LHFPL2: variants seen among roughly 807,000 people sequenced by gnomAD.
The protein encoded by LHFPL2 is LHFPL tetraspan subfamily member 2 protein.
LHFPL2 carries 7 observed loss-of-function variants against 17.5 expected under a neutral mutation model. That is an observed-to-expected ratio of 0.40 (90% confidence interval 0.23 to 0.75). LHFPL2 has a LOEUF of 0.75. LHFPL2 is among the 30% of genes least tolerant of loss of function. The pLI, the probability that LHFPL2 is intolerant of heterozygous loss-of-function variation, is 0.37. For synonymous variants in LHFPL2, 134 were observed against 116.2 expected, an observed-to-expected ratio of 1.15 and a Z score of -0.99; for missense variants, 241 against 294.8, an observed-to-expected ratio of 0.82 and a Z score of 1.34.
chr5:78,604,272 G>A (rs1411084249), intron 2 of LHFPL2, among the ~76,000 whole-genome samples: 1 of 152,098 alleles, frequency 6.6e-6, no homozygotes, highest in Non-Finnish European at 1.5e-5. Flanking sequence ...GAGGTCAGAA[G>A]TTCGACACCA....
chr5:78,633,530 C>T (rs978777759), intron 1 of LHFPL2, among the ~76,000 whole-genome samples: 9 of 152,220 alleles, frequency 5.9e-5, no homozygotes, highest in South Asian at 4.1e-4. Flanking sequence ...CTCTGGGTGA[C>T]GGTGATGCTT....
chr5:78,579,556 T>C (rs961901383), intron 2 of LHFPL2, among the ~76,000 whole-genome samples: 4 of 151,856 alleles, frequency 2.6e-5, no homozygotes, highest in Admixed American at 6.6e-5. Context: ...TGTGTTCTCA[T>C]TGTTCAATTC....
chr5:78,568,928 T>A (rs1756926557), intron 2 of LHFPL2, among the ~76,000 whole-genome samples: 2 of 152,064 alleles, frequency 1.3e-5, no homozygotes, highest in Admixed American at 1.3e-4. Context: ...ATCTTTACTA[T>A]CCCCATTTTA....
rs1756958663 is a variant in LHFPL2 at position 78,570,184 on chromosome 5, T to C, written c.-244-5313A>G. ...ATAGGGCATGACATAGAGTAGACAATTCATAAATGTTTACTGAATAAACAA... is the reference window on the plus strand; with the variant it reads ...ATAGGGCATGACATAGAGTAGACAACTCATAAATGTTTACTGAATAAACAA... On this transcript the variant is annotated intron_variant, in intron 2 of 4. Coordinates refer to ENST00000380345, the MANE Select transcript of LHFPL2 (RefSeq NM_005779.3). 2.0e-5 allele frequency among the ~76,000 whole-genome samples: 3 copies of C among 152,188 alleles called. No individual in the cohort carries two copies. In the South Asian group the frequency reaches 6.2e-4, roughly 32 times the overall value.
At chr5:78,619,465 C>T (rs1013217603) in intron 2 of LHFPL2, among the ~76,000 whole-genome samples, 3 of 151,010 alleles carry the variant, frequency 2.0e-5, no homozygotes, top group Admixed American at 6.6e-5. Context: ...TTTACACTCG[C>T]TATGCCTCAG....
At position 78,486,907 on chromosome 5, in the gene LHFPL2, G is replaced by A. The variant is rs1230450159; in HGVS notation, c.*1990C>T. 2.0e-5 allele frequency: 3 copies of A among 152,176 alleles called. No homozygotes were observed. The highest frequency in any genetic ancestry group is 7.2e-5 in the African/African-American group (3 of 41,450). The allele number at this position is 152,176 out of a possible 1,614,324, so 9.4% of individuals were successfully genotyped here. A position where few individuals can be genotyped will look rare whatever the true frequency, so the allele number is the denominator to read the frequency against. On this transcript the variant is annotated 3_prime_UTR_variant, in exon 5 of 5. Coordinates refer to ENST00000380345, the MANE Select transcript of LHFPL2 (RefSeq NM_005779.3). ...GAAAGAAAAGTGAGTCTTCTGATAAGTTTATGGAAAAATTTTGTGTTTTTC... is the reference window on the plus strand; with the variant it reads ...GAAAGAAAAGTGAGTCTTCTGATAAATTTATGGAAAAATTTTGTGTTTTTC...
Position 78,539,716 on chromosome 5 carries a change from T to G in LHFPL2, c.-186+25097A>C, listed in dbSNP as rs546195003. On this transcript the variant is annotated intron_variant, in intron 3 of 4. Coordinates refer to ENST00000380345, the MANE Select transcript of LHFPL2 (RefSeq NM_005779.3). ...CAGGCTGCCCACATCAGCATCTGAG[T>G]TGGTGGGATGCAGTCCTAAAACCAC... Among the ~76,000 whole-genome samples the G allele has an allele frequency of 2.0e-5, 3 of 152,148 alleles. No individual in the cohort carries two copies. In the South Asian group the frequency reaches 6.2e-4, roughly 32 times the overall value.
chr5:78,568,425 G>A (rs80238744), intron 2 of LHFPL2, among the ~76,000 whole-genome samples: 2,408 of 152,278 alleles, frequency 0.016, 69 homozygotes, highest in African/African-American at 0.055. Context: ...GCCACACAGA[G>A]AACACGGCCC....
In LHFPL2 at chr5:78,609,450, C is replaced by CAAAAAAAAAA. The variant is rs71613975; in HGVS notation, c.-245+22804_-245+22813dup. Among the ~76,000 whole-genome samples the CAAAAAAAAAA allele has an allele frequency of 3.7e-3, 152 of 40,674 alleles. 6 individuals carry two copies. Among genetic ancestry groups the CAAAAAAAAAA allele is most frequent in the African/African-American group, 0.013 (150 of 11,676 alleles). The allele number at this position is 40,674 out of a possible 152,430, so 26.7% of individuals were successfully genotyped here. ...TGGGAAACAGAGCGAGACTCAGTCT[C>CAAAAAAAAAA]AAAAAAAAAAAAAAAAAAAAAAAAA... On this transcript the variant is annotated intron_variant, in intron 2 of 4. Transcript: ENST00000380345.
chr5:78,532,718 G>C (rs769973686), intron 3 of LHFPL2, among the ~76,000 whole-genome samples: 28 of 150,462 alleles, frequency 1.9e-4, no homozygotes, highest in Non-Finnish European at 2.7e-4. Flanking sequence ...GGCTGTTCTA[G>C]AGAAATGCCA....
intron 3 of LHFPL2, among the ~76,000 whole-genome samples, chr5:78,512,755 A>G (rs12657491): frequency 6.7e-6 from 1 of 149,116 alleles, no homozygotes; most frequent in Non-Finnish European, 1.5e-5. Context: ...TGTTAAATGT[A>G]ATTTTTCTTT....
At chr5:78,616,106 C>A (rs1345209450) in intron 2 of LHFPL2, among the ~76,000 whole-genome samples, 1 of 137,730 alleles carries the variant, frequency 7.3e-6, no homozygotes, top group Non-Finnish European at 1.5e-5. Flanking sequence ...CCTCTTTTCC[C>A]AGGTTTTTGT....
intron 3 of LHFPL2, among the ~76,000 whole-genome samples, chr5:78,534,852 G>C (rs1755898883): frequency 6.6e-6 from 1 of 152,228 alleles, no homozygotes; most frequent in Non-Finnish European, 1.5e-5. Flanking sequence ...ATGTGTGGGA[G>C]CGGGTAGAGG....
At chr5:78,523,607 C>G (rs1349426950) in intron 3 of LHFPL2, among the ~76,000 whole-genome samples, 2 of 152,012 alleles carry the variant, frequency 1.3e-5, no homozygotes, top group African/African-American at 4.8e-5. Context: ...AAGGCAAGGG[C>G]GAGGACAGAA....
At chr5:78,575,164 A>C (rs1394924387) in intron 2 of LHFPL2, among the ~76,000 whole-genome samples, 1 of 152,198 alleles carries the variant, frequency 6.6e-6, no homozygotes, top group African/African-American at 2.4e-5. Flanking sequence ...ACAGGGCAGC[A>C]GCTCTTGATC....
At chr5:78,569,178 C>A (rs1756934121) in intron 2 of LHFPL2, among the ~76,000 whole-genome samples, 1 of 152,150 alleles carries the variant, frequency 6.6e-6, no homozygotes. Context: ...AATACCAAAG[C>A]AAGATTAGCT....
intron 2 of LHFPL2, among the ~76,000 whole-genome samples, chr5:78,586,318 T>A (rs1743397583): frequency 6.6e-6 from 1 of 152,258 alleles, no homozygotes; most frequent in Non-Finnish European, 1.5e-5. Context: ...AGGACACACG[T>A]ACTGCCTGTT....
At chr5:78,508,134 C>G (rs1243138470) in intron 4 of LHFPL2, among the ~76,000 whole-genome samples, 12 of 152,036 alleles carry the variant, frequency 7.9e-5, no homozygotes, top group Admixed American at 7.9e-4. Flanking sequence ...CAAAAGGGGA[C>G]AAGGAGCTTC....
intron 2 of LHFPL2, among the ~76,000 whole-genome samples, chr5:78,617,203 T>C (rs1338669166): frequency 1.3e-5 from 2 of 152,114 alleles, no homozygotes; most frequent in Non-Finnish European, 2.9e-5. Flanking sequence ...TAATTTTTTG[T>C]ATTTTTAGTA....
Sources: gnomAD v4.1 joint callset for allele counts (sites outside exome capture counted in the v4.1 genomes callset) on GRCh38, gnomAD v4.1.1 for gene constraint, MANE v1.5 for transcripts, NCBI Gene and HGNC (gene_info 2026-07-23, HGNC 2026-07-21) for gene names.